HOXD3: variants seen among roughly 807,000 people sequenced by gnomAD.
HOXD3 encodes the protein homeobox D3.
In HOXD3, 13 loss-of-function variants were observed where a neutral mutation model predicts 32.8. That is an observed-to-expected ratio of 0.40 (90% CI 0.26 to 0.63). The LOEUF (loss-of-function observed/expected upper bound fraction) is 0.63, where lower values mean the gene tolerates loss of function less well. Ranked by LOEUF, HOXD3 falls within the 20% of genes least tolerant of loss-of-function variation. HOXD3 has a pLI of 0.44. For synonymous variants in HOXD3, 241 were observed against 246.8 expected (o/e 0.98, Z 0.22); for missense variants, 504 against 577.1 (o/e 0.87, Z 1.30).
At chr2:176,162,847 A>G (rs1321489339) in intron 1 of HOXD3, among the ~76,000 whole-genome samples, 2 of 152,196 alleles carry the variant, frequency 1.3e-5, no homozygotes, top group African/African-American at 4.8e-5. Context: ...TCCTACTTCT[A>G]AAGAACTCTT....
rs34436368 is a variant in HOXD3 at position 176,168,261 on chromosome 2, C to CAAAAA, written c.-84-755_-84-751dup. On this transcript the variant is annotated intron_variant, in intron 2 of 3. Coordinates refer to ENST00000683222, the MANE Select transcript of HOXD3 (RefSeq NM_006898.5). Reference sequence around the variant, plus strand: ...GCAACATTGTAAGACCCTGTCTCTACAAAAAAAAAAAAAAAAAAACTAAGA... The same window carrying CAAAAA: ...GCAACATTGTAAGACCCTGTCTCTACAAAAAAAAAAAAAAAAAAAAAAAACTAAGA... Among the ~76,000 whole-genome samples the CAAAAA allele has an allele frequency of 5.7e-4, 59 of 103,342 alleles. 2 individuals carry two copies. The highest frequency in any genetic ancestry group is 1.1e-3 in the African/African-American group (28 of 26,660). The allele number at this position is 103,342 out of a possible 152,430, so 67.8% of individuals were successfully genotyped here. A position where few individuals can be genotyped will look rare whatever the true frequency, so the allele number is the denominator to read the frequency against.
In HOXD3 at chr2:176,171,583, G is replaced by A; in HGVS notation, c.608G>A (p.Ser203Asn). The A allele has an allele frequency of 6.2e-7, 1 of 1,613,468 alleles. No homozygotes were observed. The highest frequency in any genetic ancestry group is 8.5e-7 in the Non-Finnish European group (1 of 1,179,638). ...ASKRVRTAYT[S>N]AQLVELEKEF... ...AAGCGGGTACGCACGGCATACACGAGCGCGCAGCTGGTGGAATTGGAAAAG... is the reference window on the plus strand; with the variant it reads ...AAGCGGGTACGCACGGCATACACGAACGCGCAGCTGGTGGAATTGGAAAAG... The change falls in exon 4 of 4, where the codon AGC (serine) becomes AAC (asparagine). Residue 203 changes from serine to asparagine, a missense_variant. Physicochemically the swap from Ser to Asn is conservative, Grantham distance 46. Transcript: ENST00000683222.
At chr2:176,169,711 G>C in intron 3 of HOXD3, 56 bp downstream of exon 3, 3 of 1,522,154 alleles carry the variant, frequency 2.0e-6, no homozygotes, top group Non-Finnish European at 2.6e-6. Flanking sequence ...TTGACCCAAG[G>C]AAGCCTAGTC....
At chr2:176,171,099 T>A (rs1691157241) in intron 3 of HOXD3, among the ~76,000 whole-genome samples, 1 of 152,050 alleles carries the variant, frequency 6.6e-6, no homozygotes, top group South Asian at 2.1e-4. Flanking sequence ...TTCCTTTCCT[T>A]CTCCATACCC....
At chr2:176,171,311 C>A (rs924452842) in intron 3 of HOXD3, among the ~76,000 whole-genome samples, 2 of 152,008 alleles carry the variant, frequency 1.3e-5, no homozygotes, top group Admixed American at 1.3e-4. Flanking sequence ...GTTTCAGGTG[C>A]GACTGATAGG....
chr2:176,154,179 C>G (rs1304953323), upstream of HOXD3, among the ~76,000 whole-genome samples: 4 of 151,946 alleles, frequency 2.6e-5, no homozygotes, highest in Non-Finnish European at 4.4e-5. Context: ...TTCCTCAGCT[C>G]ATTAATTAGA....
chr2:176,169,014 T>C lies in HOXD3; in HGVS notation c.-84-17T>C, dbSNP rs1268606329. ...CAATGACACTCCCTCTGGGGCCTCT[T>C]GCTTTTCTTCTGACAGGTCACCTGG... On this transcript the variant is annotated splice_polypyrimidine_tract_variant and intron_variant, in intron 2 of 3. Coordinates refer to ENST00000683222, the MANE Select transcript of HOXD3 (RefSeq NM_006898.5). 10 of 1,483,838 alleles carry C rather than the reference T, an allele frequency of 6.7e-6. No homozygotes were observed. The highest frequency in any genetic ancestry group is 1.4e-5 in the African/African-American group (1 of 70,674). 91.9% of individuals were successfully genotyped at this position (1,483,838 alleles called of 1,614,324 possible). A position where few individuals can be genotyped will look rare whatever the true frequency, so the allele number is the denominator to read the frequency against.
chr2:176,165,992 G>A (rs982412581), intron 2 of HOXD3, among the ~76,000 whole-genome samples: 1 of 152,096 alleles, frequency 6.6e-6, no homozygotes, highest in Admixed American at 6.5e-5. Flanking sequence ...TATATTCTCA[G>A]GTTTTGTTTT....
chr2:176,171,958 G>T lies in HOXD3; in HGVS notation c.983G>T (p.Arg328Leu). The T allele has an allele frequency of 6.2e-7, 1 of 1,610,656 alleles. No homozygotes were observed. The highest frequency in any genetic ancestry group is 1.1e-5 in the South Asian group (1 of 90,978). ...PLSSCLPQQK[R>L]YAAPEFEPHP... The stretch of plus-strand genomic sequence containing the variant: ...AGCAGCTGCCTGCCACAACAGAAGC[G>T]CTACGCAGCGCCGGAGTTCGAGCCC... The change falls in exon 4 of 4, where the codon CGC becomes CTC. Residue 328 changes from arginine (R) to leucine (L), a missense_variant. Coordinates refer to ENST00000683222, the MANE Select transcript of HOXD3 (RefSeq NM_006898.5).
At chr2:176,157,061 G>A (rs918936397), upstream of HOXD3, among the ~76,000 whole-genome samples, 4 of 152,262 alleles carry the variant, frequency 2.6e-5, no homozygotes, top group African/African-American at 9.6e-5. Context: ...AGCCCGCTGA[G>A]TATAGAGTAC....
chr2:176,169,392 C>G lies in HOXD3; in HGVS notation c.278C>G (p.Pro93Arg). 1 of 1,613,974 alleles carries G rather than the reference C, an allele frequency of 6.2e-7. No homozygotes were observed. The highest frequency in any genetic ancestry group is 1.1e-5 in the South Asian group (1 of 91,068). The change falls in exon 3 of 4, where the codon CCG becomes CGG. Residue 93 changes from proline (P) to arginine (R), a missense_variant. Around this residue, in one of 3 missense-constraint regions of HOXD3, gnomAD observed 181 missense variants for 172.2 expected, o/e 1.05. Transcript: ENST00000683222. ...GAELNGSCMRPGTGNSQGGGG... is the reference protein window; with the variant it reads ...GAELNGSCMRRGTGNSQGGGG... ...GAACTCAATGGCAGCTGCATGCGGC[C>G]GGGCACTGGGAACAGCCAGGGTGGG... is the stretch of plus-strand genomic sequence containing the variant.
upstream of HOXD3, among the ~76,000 whole-genome samples, chr2:176,157,162 G>C (rs1387245730): frequency 6.6e-6 from 1 of 152,196 alleles, no homozygotes; most frequent in Non-Finnish European, 1.5e-5. Flanking sequence ...GGGCTGGGCG[G>C]CCGGGGCTCG....
upstream of HOXD3, chr2:176,152,750 T>C: frequency 6.2e-7 from 1 of 1,614,174 alleles, no homozygotes; most frequent in Non-Finnish European, 8.5e-7. This position sits in a 1 kb window ranked among gnomAD's most constrained non-coding sequence, Gnocchi z 5.2. Context: ...ACACCCTGTG[T>C]CTGTCGGAGC....
chr2:176,159,496 C>T (rs1574977952), intron 1 of HOXD3, among the ~76,000 whole-genome samples: 1 of 152,320 alleles, frequency 6.6e-6, no homozygotes, highest in East Asian at 1.9e-4. Flanking sequence ...CCTGATGCCG[C>T]TGAGCAGAGC....
intron 2 of HOXD3, among the ~76,000 whole-genome samples, chr2:176,168,404 T>TA (rs1691057455): frequency 6.6e-6 from 1 of 151,982 alleles, no homozygotes. Flanking sequence ...CTGTCTCTAC[T>TA]AAAAATATAA....
rs1691220289 is a variant in HOXD3, at chr2:176,172,216, C to T, written c.1241C>T (p.Ser414Leu). The part of the protein sequence containing the change: ...CDPHPTYTDL[S>L]AHHSSQGRLP... ...CCTCATCCCACCTACACAGATCTCTCGGCCCACCACTCGTCTCAGGGACGA... is the reference window on the plus strand; with the variant it reads ...CCTCATCCCACCTACACAGATCTCTTGGCCCACCACTCGTCTCAGGGACGA... The change falls in exon 4 of 4, where the codon TCG becomes TTG. Residue 414 changes from serine to leucine, a missense_variant. Ser to Leu is a moderately radical substitution (Grantham distance 145). Around this residue, in one of 3 missense-constraint regions of HOXD3, gnomAD observed 226 missense variants for 246.9 expected, o/e 0.92. Transcript: ENST00000683222. 1.9e-6 allele frequency: 3 copies of T among 1,611,334 alleles called. No homozygotes were observed. The highest frequency in any genetic ancestry group is 1.6e-4 in the Middle Eastern group (1 of 6,062).
Position 176,169,205 on chromosome 2 carries a change from G to C in HOXD3, c.91G>C (p.Gly31Arg). The C allele has an allele frequency of 6.2e-7, 1 of 1,614,166 alleles. No homozygotes were observed. Among genetic ancestry groups the C allele is most frequent in the Non-Finnish European group, 8.5e-7 (1 of 1,180,028 alleles). Residue 31 changes from glycine (G) to arginine (R), a missense_variant, in exon 3 of 4, where the codon GGC (glycine) becomes CGC (arginine). Around this residue, in one of 3 missense-constraint regions of HOXD3, gnomAD observed 181 missense variants for 172.2 expected, o/e 1.05. Coordinates refer to ENST00000683222, the MANE Select transcript of HOXD3 (RefSeq NM_006898.5). ...AYYENPGLFG[G>R]YGYSKTTDTY... The stretch of plus-strand genomic sequence containing the variant: ...CTATGAAAACCCAGGACTGTTTGGA[G>C]GCTATGGCTACAGCAAAACTACGGA...
upstream of HOXD3, among the ~76,000 whole-genome samples, chr2:176,155,146 G>A (rs1690618737): frequency 6.6e-6 from 1 of 152,184 alleles, no homozygotes; most frequent in Non-Finnish European, 1.5e-5. Flanking sequence ...CCTTAGGCAA[G>A]TTGGAAAGTT....
intron 2 of HOXD3, among the ~76,000 whole-genome samples, chr2:176,166,857 C>T (rs191399509): frequency 6.6e-6 from 1 of 152,304 alleles, no homozygotes; most frequent in Admixed American, 6.5e-5. Context: ...TTGGGTTAGG[C>T]TGTTTGGTGC....
Sources: allele counts gnomAD v4.1 joint callset (sites outside exome capture counted in the v4.1 genomes callset), GRCh38; gene constraint gnomAD v4.1.1; regional missense constraint gnomAD v4.1.1; non-coding constraint Gnocchi (gnomAD v3.1); transcripts MANE v1.5; gene names NCBI Gene and HGNC (gene_info 2026-07-23, HGNC 2026-07-21).